The following ARHGAP17 variants were observed in gnomAD, a reference collection of about 807,000 sequenced individuals.
The protein encoded by ARHGAP17 is rho GTPase-activating protein 17.
A neutral mutation model predicts 99.5 loss-of-function variants in ARHGAP17; 57 were observed. That is an observed-to-expected ratio of 0.57 (90% CI 0.46 to 0.71). The LOEUF (loss-of-function observed/expected upper bound fraction) is 0.71, where lower values mean the gene tolerates loss of function less well. Among genes scored for constraint, ARHGAP17 ranks in the 30% least tolerant of loss-of-function variants. The pLI, the probability that ARHGAP17 is intolerant of heterozygous loss-of-function variation, is 0.00. For synonymous variants in ARHGAP17, 417 were observed against 429.6 expected, an observed-to-expected ratio of 0.97 and a Z score of 0.36; for missense variants, 1,000 against 1,122.4, an observed-to-expected ratio of 0.89 and a Z score of 1.56.
At chr16:24,958,842 C>T (rs971156614) in intron 9 of ARHGAP17, among the ~76,000 whole-genome samples, 8 of 152,174 alleles carry the variant, frequency 5.3e-5, no homozygotes, top group Non-Finnish European at 1.2e-4. Flanking sequence ...CAGCTCAAGA[C>T]CAGTGGTTCT....
In ARHGAP17 at chr16:25,015,297, C is replaced by A. The variant is rs1209352911; in HGVS notation, c.-36G>T. 3 of 1,306,952 alleles carry A rather than the reference C, an allele frequency of 2.3e-6. No individual in the cohort carries two copies. The highest frequency in any genetic ancestry group is 2.3e-5 in the South Asian group (1 of 44,266). The allele number at this position is 1,306,952 out of a possible 1,614,324, so 81.0% of individuals were successfully genotyped here. A position where few individuals can be genotyped will look rare whatever the true frequency, so the allele number is the denominator to read the frequency against. Reference sequence around the variant, plus strand: ...GCGGCGGCGGCCCGCGGGGCTCGGGCCGGGCAGGGCGGGGGACAGCCTGGC... The same window carrying A: ...GCGGCGGCGGCCCGCGGGGCTCGGGACGGGCAGGGCGGGGGACAGCCTGGC... On this transcript the variant is annotated 5_prime_UTR_variant, in exon 1 of 20. Coordinates refer to ENST00000289968, the MANE Select transcript of ARHGAP17 (RefSeq NM_001006634.3).
rs539257488 is a variant in ARHGAP17, at chr16:24,990,781, T to C, written c.54-11776A>G. 7.3e-5 allele frequency among the ~76,000 whole-genome samples: 11 copies of C among 151,166 alleles called. No individual in the cohort carries two copies. In the East Asian group the frequency reaches 1.9e-3, roughly 27 times the overall value. On this transcript the variant is annotated intron_variant, in intron 1 of 19. Coordinates refer to ENST00000289968, the MANE Select transcript of ARHGAP17 (RefSeq NM_001006634.3). ...GGAGGTGGGGCTTGGCTTTTTTTTT[T>C]TTTTTTTAGCTCCCCAGGCAATTCC...
intron 11 of ARHGAP17, 119 bp from the exon 12 acceptor site, chr16:24,952,489 A>G: frequency 1.5e-6 from 1 of 675,384 alleles, no homozygotes; most frequent in Non-Finnish European, 2.4e-6. Context: ...TACATAACAA[A>G]TCATAAGTTG....
Position 24,999,530 on chromosome 16 carries a change from C to T in ARHGAP17, c.53+15679G>A, listed in dbSNP as rs911811283. On this transcript the variant is annotated intron_variant, in intron 1 of 19. Coordinates refer to ENST00000289968, the MANE Select transcript of ARHGAP17 (RefSeq NM_001006634.3). Reference sequence around the variant, plus strand: ...TCCTGGGCTCTAAGGATTCTTCTATCTCAGCCTCCTGAAATAGCTGGGACT... The same window carrying T: ...TCCTGGGCTCTAAGGATTCTTCTATTTCAGCCTCCTGAAATAGCTGGGACT... Among the ~76,000 whole-genome samples, 6 of 152,100 alleles carry T rather than the reference C, an allele frequency of 3.9e-5. No individual in the cohort carries two copies. In the East Asian group the frequency reaches 1.2e-3, roughly 29 times the overall value.
chr16:24,952,342 C>T lies in ARHGAP17; in HGVS notation c.993G>A (p.Leu331=). ...AGALKSYLRE[L]PEPLMTFNLY... ...GATTAAAAGTCATCAAAGGTTCAGG[C>T]AATTCCCGTAAATAGGATTTTAAAG... Residue 331 remains leucine (L), a synonymous_variant, in exon 12 of 20, where the codon TTG becomes TTA. Transcript: ENST00000289968. 1.2e-6 allele frequency: 2 copies of T among 1,613,252 alleles called. No individual in the cohort carries two copies. The highest frequency in any genetic ancestry group is 1.1e-5 in the South Asian group (1 of 90,984).
chr16:24,992,018 A>G (rs1210199996), intron 1 of ARHGAP17, among the ~76,000 whole-genome samples: 1 of 152,220 alleles, frequency 6.6e-6, no homozygotes, highest in African/African-American at 2.4e-5. Flanking sequence ...AAACAGTCCA[A>G]GTGGACCTCA....
chr16:25,009,092 G>A (rs750983276), intron 1 of ARHGAP17, among the ~76,000 whole-genome samples: 13 of 152,188 alleles, frequency 8.5e-5, no homozygotes, highest in Non-Finnish European at 1.3e-4. Flanking sequence ...GTGGGCAGGC[G>A]TGGTGGCTCA....
intron 9 of ARHGAP17, chr16:24,954,966 A>G: frequency 2.1e-6 from 1 of 471,474 alleles, no homozygotes; most frequent in South Asian, 3.2e-5. Context: ...GATGGCACCA[A>G]CTCAGGCTGC....
intron 19 of ARHGAP17, among the ~76,000 whole-genome samples, chr16:24,925,632 A>G (rs2152439603): frequency 6.6e-6 from 1 of 152,364 alleles, no homozygotes; most frequent in Admixed American, 6.5e-5. Flanking sequence ...AGCCACTTAA[A>G]TATCCAACTA....
intron 9 of ARHGAP17, among the ~76,000 whole-genome samples, chr16:24,959,256 C>G (rs149612609): frequency 2.0e-5 from 3 of 152,272 alleles, no homozygotes; most frequent in Non-Finnish European, 4.4e-5. Flanking sequence ...CAAGTACTGG[C>G]TTCTCTTTTG....
intron 19 of ARHGAP17, among the ~76,000 whole-genome samples, chr16:24,924,691 C>T (rs981367027): frequency 2.6e-5 from 4 of 151,290 alleles, no homozygotes; most frequent in East Asian, 2.0e-4. Context: ...GGTGAAACCC[C>T]GTCTATACTA....
chr16:25,004,778 A>C (rs1243303247), intron 1 of ARHGAP17, among the ~76,000 whole-genome samples: 1 of 152,242 alleles, frequency 6.6e-6, no homozygotes, highest in Non-Finnish European at 1.5e-5. Context: ...GACGTCCAAA[A>C]AGAAGAGCTG....
chr16:24,947,398 G>C, intron 14 of ARHGAP17, 84 bp downstream of exon 14: 2 of 1,208,894 alleles, frequency 1.7e-6, no homozygotes, highest in Non-Finnish European at 2.4e-6. Context: ...TCTTAAACTA[G>C]AATGTGTAAC....
intron 1 of ARHGAP17, among the ~76,000 whole-genome samples, chr16:25,012,026 C>T (rs1397849984): frequency 6.6e-6 from 1 of 152,130 alleles, no homozygotes; most frequent in Non-Finnish European, 1.5e-5. Flanking sequence ...TGCCTGCCTA[C>T]CTCTTCCACG....
chr16:24,996,910 A>C (rs922573742), intron 1 of ARHGAP17, among the ~76,000 whole-genome samples: 1 of 132,496 alleles, frequency 7.5e-6, no homozygotes, highest in Non-Finnish European at 1.7e-5. Flanking sequence ...ACATAGGGAC[A>C]ACCAAAAAAA....
intron 17 of ARHGAP17, among the ~76,000 whole-genome samples, chr16:24,938,907 A>G (rs1451203808): frequency 6.6e-6 from 1 of 152,202 alleles, no homozygotes; most frequent in South Asian, 2.1e-4. Context: ...TGCCTAGCAC[A>G]TATCAGTGAC....
chr16:25,011,809 T>A (rs140755796), intron 1 of ARHGAP17, among the ~76,000 whole-genome samples: 68 of 152,194 alleles, frequency 4.5e-4, no homozygotes, highest in African/African-American at 1.6e-3. Context: ...GTCTTTGCTA[T>A]GAACTGGGTT....
intron 19 of ARHGAP17, among the ~76,000 whole-genome samples, chr16:24,926,930 A>G (rs1310203495): frequency 6.6e-6 from 1 of 152,198 alleles, no homozygotes; most frequent in African/African-American, 2.4e-5. Flanking sequence ...CTGATATGTG[A>G]ATCTAACATA....
rs1469292381 is a variant in ARHGAP17, at chr16:24,947,269, C to A, written c.1241+213G>T. Among the ~76,000 whole-genome samples, 3 of 152,206 alleles carry A rather than the reference C, an allele frequency of 2.0e-5. No individual in the cohort carries two copies. The East Asian group carries it at 5.8e-4, about 29-fold the overall frequency. On this transcript the variant is annotated intron_variant, in intron 14 of 19. Coordinates refer to ENST00000289968, the MANE Select transcript of ARHGAP17 (RefSeq NM_001006634.3). ...CCTAAGAGCAGGGGCATTTTGAGAA[C>A]TGGGACAATGTCTCACACATCTTTG...
Sources: allele counts gnomAD v4.1 joint callset (sites outside exome capture counted in the v4.1 genomes callset), GRCh38; gene constraint gnomAD v4.1.1; transcripts MANE v1.5; gene names NCBI Gene and HGNC (gene_info 2026-07-23, HGNC 2026-07-21).